Variants in ZAN observed in about 807,000 individuals in gnomAD.
The protein encoded by ZAN is zonadhesin (gene/pseudogene).
In ZAN, 260 loss-of-function variants were observed where a neutral mutation model predicts 286.2. The observed-to-expected ratio is 0.91, with a 90% CI of 0.82 to 1.01. ZAN has a LOEUF of 1.01. Ranked by LOEUF, ZAN falls within the 50% of genes least tolerant of loss-of-function variation. The pLI, the probability that ZAN is intolerant of heterozygous loss-of-function variation, is 0.00. For missense variants in ZAN, 3,410 were observed against 3,639.2 expected (o/e 0.94, Z 1.62); for synonymous variants, 1,368 against 1,417.5 (o/e 0.97, Z 0.79).
intron 19 of ZAN, among the ~76,000 whole-genome samples, chr7:100,760,963 C>T (rs1329284129): frequency 1.3e-5 from 2 of 152,102 alleles, no homozygotes; most frequent in Admixed American, 6.6e-5. Context: ...GTGGTGCTAT[C>T]TCGGCTCACT....
At chr7:100,792,819 G>A (rs1168308052) in intron 42 of ZAN, among the ~76,000 whole-genome samples, 1 of 151,534 alleles carries the variant, frequency 6.6e-6, no homozygotes, top group African/African-American at 2.4e-5. Context: ...TAATGTTGCA[G>A]ACCCTGGATG....
At position 100,773,424 on chromosome 7, in the gene ZAN, C is replaced by A; in HGVS notation, c.5565C>A (p.Ile1855=). The part of the protein sequence containing the change: ...AESCECQKGH[I]LSGTSCVPLG... ...GCTGTGAATGTCAGAAAGGCCACAT[C>A]TTGAGTGGAACCTCCTGCGTGCCCC... Residue 1855 remains isoleucine, a synonymous_variant, in exon 30 of 48, where the codon ATC becomes ATA. Transcript: ENST00000613979. The A allele has an allele frequency of 6.2e-7, 1 of 1,614,034 alleles. No homozygotes were observed. The highest frequency in any genetic ancestry group is 8.5e-7 in the Non-Finnish European group (1 of 1,179,910).
chr7:100,747,184 C>T (rs566629961), intron 8 of ZAN, among the ~76,000 whole-genome samples: 1 of 152,030 alleles, frequency 6.6e-6, no homozygotes, highest in Non-Finnish European at 1.5e-5. Context: ...GTCAGGAGTT[C>T]GAGACCAGCC....
chr7:100,764,870 C>G (rs1809844786), intron 22 of ZAN, among the ~76,000 whole-genome samples: 1 of 151,954 alleles, frequency 6.6e-6, no homozygotes. Flanking sequence ...GAGAGCGAAA[C>G]TCTGTCTTTA....
chr7:100,764,271 G>A (rs1267954451), intron 22 of ZAN, 75 bp downstream of exon 22: 90 of 1,419,220 alleles, frequency 6.3e-5, no homozygotes, highest in Non-Finnish European at 8.0e-5. Flanking sequence ...TTGGGAGTCC[G>A]AGGCAGGTGG....
At chr7:100,775,208 C>A (rs566947800) in intron 31 of ZAN, 120 bp from the exon 32 acceptor site, 1 of 1,436,054 alleles carries the variant, frequency 7.0e-7, no homozygotes, top group East Asian at 2.5e-5. Context: ...CCACTGCGCA[C>A]AGCCGGACCT....
chr7:100,791,850 C>A, intron 40 of ZAN, 116 bp from the exon 41 acceptor site: 1 of 1,287,066 alleles, frequency 7.8e-7, no homozygotes, highest in South Asian at 1.6e-5. Flanking sequence ...GCCTCAGCCT[C>A]CCGGGTAGCT....
chr7:100,754,613 C>G (rs938475722), intron 14 of ZAN, among the ~76,000 whole-genome samples: 7 of 151,998 alleles, frequency 4.6e-5, no homozygotes, highest in Non-Finnish European at 8.8e-5. Context: ...AAGCAACTAT[C>G]CTGCCTCAGC....
chr7:100,745,996 C>T (rs746207179), intron 7 of ZAN, among the ~76,000 whole-genome samples: 3 of 150,216 alleles, frequency 2.0e-5, no homozygotes, highest in Non-Finnish European at 3.0e-5. Context: ...AGCCAAGGTG[C>T]GTGGATCATT....
intron 15 of ZAN, among the ~76,000 whole-genome samples, chr7:100,756,914 A>G (rs1368265212): frequency 6.6e-6 from 1 of 152,008 alleles, no homozygotes; most frequent in Non-Finnish European, 1.5e-5. Flanking sequence ...GATTACGGGC[A>G]TGCGCCACCA....
At chr7:100,786,204 A>C in intron 37 of ZAN, 63 bp downstream of exon 37, 1 of 1,600,030 alleles carries the variant, frequency 6.2e-7, no homozygotes. Flanking sequence ...GAGGTGGAGG[A>C]AGAGGCAGGG....
chr7:100,754,347 T>C (rs1329980898), intron 14 of ZAN, among the ~76,000 whole-genome samples: 2 of 151,478 alleles, frequency 1.3e-5, no homozygotes, highest in Admixed American at 1.3e-4. Context: ...TAGTCCCAGC[T>C]ACTCCGGAGG....
chr7:100,739,921 G>A (rs2115639157), intron 7 of ZAN, among the ~76,000 whole-genome samples: 1 of 141,694 alleles, frequency 7.1e-6, no homozygotes, highest in Non-Finnish European at 1.6e-5. Flanking sequence ...GCCTCCCAAA[G>A]TGCTGGGATT....
intron 22 of ZAN, 116 bp from the exon 23 acceptor site, chr7:100,765,236 T>A: frequency 1.7e-6 from 2 of 1,191,734 alleles, no homozygotes; most frequent in Non-Finnish European, 2.4e-6. Context: ...CACTCTCTCT[T>A]CTCGAGATTG....
In ZAN at chr7:100,765,498, G is replaced by T. The variant is rs200718653; in HGVS notation, c.4414G>T (p.Glu1472Ter). ...TCCGGGCTTCGTCCTCAGTGGCCTC[G>T]AGTGCATACCTCGCTCCCAGTGTGG... is the stretch of plus-strand genomic sequence containing the variant. ...CNPGFVLSGL[E>*]CIPRSQCGCL... The change falls in exon 23 of 48, where the codon GAG becomes TAG. Residue 1472 changes from glutamate to a stop codon, truncating the protein, a stop_gained. Coordinates refer to ENST00000613979, the MANE Select transcript of ZAN (RefSeq NM_003386.3). LOFTEE classifies it high-confidence loss of function. The T allele has an allele frequency of 1.9e-6, 3 of 1,612,502 alleles. No homozygotes were observed. Among genetic ancestry groups the T allele is most frequent in the East Asian group, 2.2e-5 (1 of 44,832 alleles).
chr7:100,756,118 T>A (rs1809128065), intron 15 of ZAN, among the ~76,000 whole-genome samples: 1 of 152,170 alleles, frequency 6.6e-6, no homozygotes, highest in South Asian at 2.1e-4. Flanking sequence ...AAATCTTTTA[T>A]CCATATTTAT....
chr7:100,744,606 T>C (rs996646505), intron 7 of ZAN, among the ~76,000 whole-genome samples: 2 of 150,392 alleles, frequency 1.3e-5, no homozygotes, highest in African/African-American at 4.9e-5. Context: ...TCAATAAAAA[T>C]AAATAAATAA....
intron 42 of ZAN, among the ~76,000 whole-genome samples, chr7:100,793,609 TG>T (rs972285571): frequency 5.3e-4 from 80 of 152,190 alleles, no homozygotes; most frequent in Admixed American, 1.8e-3. Flanking sequence ...GGCTCATTTT[TG>T]TATTTTTAGC....
Position 100,773,875 on chromosome 7 carries a change from CCA to C in ZAN, c.5779+12_5779+13del. The C allele has an allele frequency of 6.3e-7, 1 of 1,596,766 alleles. No individual in the cohort carries two copies. Reference sequence around the variant, plus strand: ...CATTGTCGGGCCTCAGGTAGGAGGACCACGGTGATGGGGGGACTCCACAGCCC... The same window carrying C: ...CATTGTCGGGCCTCAGGTAGGAGGACCGGTGATGGGGGGACTCCACAGCCC... On this transcript the variant is annotated intron_variant, in intron 31 of 47. Transcript: ENST00000613979.
Sources: allele counts gnomAD v4.1 joint callset (sites outside exome capture counted in the v4.1 genomes callset), GRCh38; gene constraint gnomAD v4.1.1; transcripts MANE v1.5; gene names NCBI Gene and HGNC (gene_info 2026-07-23, HGNC 2026-07-21).